The following HIBCH variants were observed in gnomAD, a reference collection of about 807,000 sequenced individuals.
The protein encoded by HIBCH is 3-hydroxyisobutyryl-CoA hydrolase, also known as 3-hydroxyisobutyryl-CoA hydrolase, mitochondrial.
In HIBCH, 50 loss-of-function variants were observed where a neutral mutation model predicts 58.2. The observed-to-expected ratio is 0.86, with a 90% CI of 0.68 to 1.09. HIBCH has a LOEUF of 1.09. Ranked by LOEUF, HIBCH falls within the 50% of genes least tolerant of loss-of-function variation. HIBCH has a pLI of 0.00. For synonymous variants in HIBCH, 151 were observed against 146.9 expected (o/e 1.03, Z -0.20); for missense variants, 450 against 449.7 (o/e 1.00, Z -0.01).
At chr2:190,199,870 A>G, downstream of HIBCH, 1 of 1,613,636 alleles carries the variant, frequency 6.2e-7, no homozygotes, top group Non-Finnish European at 8.5e-7. Context: ...CATGGGCTGC[A>G]TGAAATCAAA....
At chr2:190,246,343 A>C in intron 9 of HIBCH, 131 bp from the exon 10 acceptor site, 2 of 633,518 alleles carry the variant, frequency 3.2e-6, no homozygotes, top group Non-Finnish European at 5.6e-6. Flanking sequence ...TAACTGTCTC[A>C]TAAATAACTA....
At chr2:190,245,782 G>C (rs555445990) in intron 10 of HIBCH, among the ~76,000 whole-genome samples, 1 of 152,248 alleles carries the variant, frequency 6.6e-6, no homozygotes, top group South Asian at 2.1e-4. Context: ...CTTAGGTCAG[G>C]AGTTGGAGAC....
At chr2:190,194,103 T>C (rs953594251) in intron 1 of HIBCH, among the ~76,000 whole-genome samples, 1 of 152,204 alleles carries the variant, frequency 6.6e-6, no homozygotes, top group Non-Finnish European at 1.5e-5. Context: ...TTTTACTCTC[T>C]GGGGTGGTTA....
chr2:190,319,644 C>T (rs1688795530), intron 1 of HIBCH, 72 bp downstream of exon 1: 2 of 1,327,686 alleles, frequency 1.5e-6, no homozygotes, highest in African/African-American at 1.4e-5. Context: ...GCAGTCTCCA[C>T]CCCCGGCCCT....
chr2:190,193,501 T>C (rs959175596), intron 1 of HIBCH, among the ~76,000 whole-genome samples: 17 of 152,172 alleles, frequency 1.1e-4, no homozygotes, highest in African/African-American at 4.1e-4. Flanking sequence ...CGTAATGGCC[T>C]TGGTAAGAGT....
At chr2:190,297,660 T>C (rs1688139316) in intron 2 of HIBCH, among the ~76,000 whole-genome samples, 2 of 152,242 alleles carry the variant, frequency 1.3e-5, no homozygotes, top group Admixed American at 1.3e-4. Flanking sequence ...TTTTGCAGTA[T>C]TAACTAATAA....
intron 11 of HIBCH, among the ~76,000 whole-genome samples, chr2:190,238,785 T>C (rs1686361089): frequency 6.6e-6 from 1 of 152,242 alleles, no homozygotes. Context: ...TTTTGAGAAG[T>C]GTCTGTTCAC....
At chr2:190,235,433 C>A (rs549351471) in intron 11 of HIBCH, among the ~76,000 whole-genome samples, 1 of 152,232 alleles carries the variant, frequency 6.6e-6, no homozygotes, top group African/African-American at 2.4e-5. Context: ...TAATCACGAC[C>A]CTCAATCTTT....
At chr2:190,192,181 A>G (rs752883002) in intron 1 of HIBCH, among the ~76,000 whole-genome samples, 3 of 152,096 alleles carry the variant, frequency 2.0e-5, no homozygotes, top group African/African-American at 4.8e-5. Context: ...TGAATGTCCA[A>G]TTGTTCCAAT....
chr2:190,247,595 A>G (rs1686647973), intron 9 of HIBCH, among the ~76,000 whole-genome samples: 1 of 152,190 alleles, frequency 6.6e-6, no homozygotes, highest in South Asian at 2.1e-4. Context: ...ACCTCTTGGA[A>G]TAATACCTCT....
rs773102754 is a variant in HIBCH, at chr2:190,193,300, GTCA to G, written c.*18-3306_*18-3304del. ...TGAATTTCTGGTATAAATCCACTCA[GTCA>G]TCATGTTTTATCCATTTTACACGTT... On this transcript the variant is annotated intron_variant, in intron 1 of 1. Coordinates refer to the HIBCH transcript ENST00000399855. Among the ~76,000 whole-genome samples, 23 of 152,074 alleles carry G rather than the reference GTCA, an allele frequency of 1.5e-4. No individual in the cohort carries two copies. In the South Asian group the frequency reaches 3.1e-3, roughly 21 times the overall value.
chr2:190,296,711 T>C (rs903485514), intron 3 of HIBCH, 102 bp downstream of exon 3: 4 of 1,077,624 alleles, frequency 3.7e-6, no homozygotes, highest in East Asian at 4.9e-5. Context: ...TAGATGCATA[T>C]CCCAGAGAAT....
intron 11 of HIBCH, among the ~76,000 whole-genome samples, chr2:190,222,054 G>A (rs1011249069): frequency 1.3e-5 from 2 of 152,182 alleles, no homozygotes; most frequent in African/African-American, 2.4e-5. Flanking sequence ...CTGCTAACAC[G>A]TAAGCCATCA....
chr2:190,314,367 A>G (rs75863821), intron 1 of HIBCH, among the ~76,000 whole-genome samples: 15 of 87,124 alleles, frequency 1.7e-4, no homozygotes, highest in Non-Finnish European at 2.2e-4. Flanking sequence ...ACGTATATAT[A>G]TACGTATATA....
chr2:190,319,222 A>C (rs1301753702), intron 1 of HIBCH, among the ~76,000 whole-genome samples: 2 of 152,322 alleles, frequency 1.3e-5, no homozygotes, highest in Non-Finnish European at 2.9e-5. Context: ...ATGCCACGTT[A>C]AATGTCCCTC....
Position 190,216,149 on chromosome 2 carries a change from G to C in HIBCH, c.892-3074C>G, listed in dbSNP as rs7569366. On this transcript the variant is annotated intron_variant, in intron 11 of 13. Transcript: ENST00000359678. This position sits in a 1 kb window ranked among gnomAD's most constrained non-coding sequence, Gnocchi z 4.2. ...AAGAGGAGGTGAGAGGATGTGGAGAGATTGGCAGGGCTGGGGGAAGGTTCT... is the reference window on the plus strand; with the variant it reads ...AAGAGGAGGTGAGAGGATGTGGAGACATTGGCAGGGCTGGGGGAAGGTTCT... 0.23 allele frequency: 34,950 copies of C among 152,502 alleles called. 4,191 individuals carry two copies. The highest frequency in any genetic ancestry group is 0.33 in the East Asian group (1,710 of 5,142). 9.4% of individuals were successfully genotyped at this position (152,502 alleles called of 1,614,324 possible). A position where few individuals can be genotyped will look rare whatever the true frequency, so the allele number is the denominator to read the frequency against.
downstream of HIBCH, chr2:190,199,648 C>T (rs933515721): frequency 2.4e-6 from 3 of 1,233,514 alleles, no homozygotes; most frequent in Non-Finnish European, 2.1e-6. Flanking sequence ...CAATCATACA[C>T]TATTTTGCAT....
At chr2:190,314,271 C>A (rs1420813901) in intron 1 of HIBCH, among the ~76,000 whole-genome samples, 1 of 132,514 alleles carries the variant, frequency 7.5e-6, no homozygotes, top group Non-Finnish European at 1.6e-5. Flanking sequence ...CCAGTTACTA[C>A]AAAAAAAATA....
intron 11 of HIBCH, among the ~76,000 whole-genome samples, chr2:190,222,374 T>C (rs1057285417): frequency 1.3e-5 from 2 of 151,818 alleles, no homozygotes; most frequent in African/African-American, 4.8e-5. Flanking sequence ...CCATATGAAT[T>C]TGTCTAAGGT....
Sources: gnomAD v4.1 joint callset for allele counts (sites outside exome capture counted in the v4.1 genomes callset) on GRCh38, gnomAD v4.1.1 for gene constraint, Gnocchi (gnomAD v3.1) non-coding constraint, MANE v1.5 for transcripts, NCBI Gene and HGNC (gene_info 2026-07-23, HGNC 2026-07-21) for gene names.